TRAP1: variants seen among roughly 807,000 people sequenced by gnomAD.
TRAP1 encodes the protein heat shock protein 75 kDa, mitochondrial.
TRAP1 carries 102 observed loss-of-function variants against 89.1 expected under a neutral mutation model. That is an observed-to-expected ratio of 1.15 (90% confidence interval 0.98 to 1.35). The LOEUF is 1.35. Ranked by LOEUF, TRAP1 falls within the 40% of genes most tolerant of loss-of-function variation. The pLI is 0.00. For missense variants in TRAP1, 1,256 were observed against 945.3 expected (o/e 1.33, Z -4.31); for synonymous variants, 508 against 388.0 (o/e 1.31, Z -3.64).
chr16:3,710,879 A>ATATATATATATATATTT (rs71133652), intron 1 of TRAP1, among the ~76,000 whole-genome samples: 1 of 125,834 alleles, frequency 7.9e-6, no homozygotes, highest in East Asian at 2.4e-4. Context: ...ATATATATAT[A>ATATATATATATATATTT]TTTTTTTTTT....
Position 3,695,365 on chromosome 16 carries a change from A to G in TRAP1, c.89-4380T>C, listed in dbSNP as rs182364220. Among the ~76,000 whole-genome samples the G allele has an allele frequency of 1.4e-3, 213 of 152,110 alleles. 1 individual carries two copies. Among genetic ancestry groups the G allele is most frequent in the African/African-American group, 4.8e-3 (200 of 41,510 alleles). ...TCTTAGAACCATGGTCAGGTTTCTCATACTCAAAAAACAAACCATTACTTA... is the reference window on the plus strand; with the variant it reads ...TCTTAGAACCATGGTCAGGTTTCTCGTACTCAAAAAACAAACCATTACTTA... On this transcript the variant is annotated intron_variant, in intron 1 of 17. Transcript: ENST00000246957.
At chr16:3,689,433 A>G (rs1381485089) in intron 2 of TRAP1, among the ~76,000 whole-genome samples, 1 of 151,944 alleles carries the variant, frequency 6.6e-6, no homozygotes, top group Admixed American at 6.6e-5. Flanking sequence ...TTTAGTAGAG[A>G]CGGGGTTTTA....
chr16:3,663,195 G>C, intron 14 of TRAP1: 1 of 674,310 alleles, frequency 1.5e-6, no homozygotes, highest in Non-Finnish European at 2.5e-6. Flanking sequence ...CTCTCAAGAA[G>C]CTGGGCCAGC....
chr16:3,702,800 T>C (rs1300009678), intron 1 of TRAP1, among the ~76,000 whole-genome samples: 1 of 151,592 alleles, frequency 6.6e-6, no homozygotes, highest in African/African-American at 2.4e-5. Context: ...CCTGGCACTT[T>C]GGGAGGCTGT....
intron 9 of TRAP1, 126 bp from the exon 10 acceptor site, chr16:3,672,946 T>A: frequency 7.3e-7 from 1 of 1,379,274 alleles, no homozygotes; most frequent in Non-Finnish European, 9.6e-7. Flanking sequence ...CAGCGTCTGC[T>A]CTGAGTTGAA....
At chr16:3,673,096 C>G (rs1271619963) in intron 9 of TRAP1, among the ~76,000 whole-genome samples, 22 of 152,108 alleles carry the variant, frequency 1.4e-4, no homozygotes, top group Admixed American at 1.4e-3. Flanking sequence ...CCTGAACACA[C>G]TGAACACAGC....
At chr16:3,662,988 G>A (rs955187992) in intron 14 of TRAP1, 21 bp from the exon 15 acceptor site, 2 of 1,573,874 alleles carry the variant, frequency 1.3e-6, no homozygotes, top group Non-Finnish European at 1.7e-6. Context: ...GCAGGCGACA[G>A]GGAGCTCAGG....
chr16:3,705,016 C>T (rs1258294960), intron 1 of TRAP1, among the ~76,000 whole-genome samples: 1 of 152,132 alleles, frequency 6.6e-6, no homozygotes, highest in Non-Finnish European at 1.5e-5. Flanking sequence ...GTGCACAATT[C>T]AGTGGTTTTA....
At chr16:3,710,193 G>A (rs80194856) in intron 1 of TRAP1, among the ~76,000 whole-genome samples, 244 of 152,190 alleles carry the variant, frequency 1.6e-3, no homozygotes, top group African/African-American at 5.5e-3. Context: ...TCAAAATATG[G>A]GCCTGAAGCC....
rs773073701 is a variant in TRAP1, at chr16:3,686,123, T to G, written c.344A>C (p.Glu115Ala). ...LYSEKEVFIR[E>A]LISNASDALE... is the part of the protein sequence containing the mutation. ...GGCATCGCTGGCATTGGAGATCAGC[T>G]CCCGTATAAACACCTACAGGAATAG... The change falls in exon 4 of 18, where the codon GAG becomes GCG. Residue 115 changes from glutamate to alanine, a missense_variant. Glu to Ala is a moderately radical substitution (Grantham distance 107, BLOSUM62 -1). Transcript: ENST00000246957. 1 of 1,614,044 alleles carries G rather than the reference T, an allele frequency of 6.2e-7. No homozygotes were observed. The highest frequency in any genetic ancestry group is 1.7e-5 in the Admixed American group (1 of 60,008).
intron 1 of TRAP1, among the ~76,000 whole-genome samples, chr16:3,716,403 C>T (rs1000201768): frequency 1.3e-5 from 2 of 152,218 alleles, no homozygotes; most frequent in Non-Finnish European, 2.9e-5. Context: ...CTCACCCATT[C>T]TATGCAGCAT....
chr16:3,705,702 CAG>C (rs1021908945), intron 1 of TRAP1, among the ~76,000 whole-genome samples: 2 of 152,246 alleles, frequency 1.3e-5, no homozygotes, highest in South Asian at 2.1e-4. Flanking sequence ...TTTTGTGAGA[CAG>C]AGTTTCACTC....
intron 16 of TRAP1, 44 bp from the exon 17 acceptor site, chr16:3,658,909 G>A: frequency 6.3e-7 from 1 of 1,591,104 alleles, no homozygotes; most frequent in Non-Finnish European, 8.6e-7. Context: ...AGTACCACGT[G>A]CTGTGACCCT....
chr16:3,670,411 A>AAAAAAAAAAAAAAAC (rs2050897453), intron 11 of TRAP1, among the ~76,000 whole-genome samples: 2 of 144,328 alleles, frequency 1.4e-5, no homozygotes, highest in Non-Finnish European at 3.0e-5. Context: ...AAAAAAAAAA[A>AAAAAAAAAAAAAAAC]TCTAAGTGGC....
chr16:3,704,475 A>G (rs2051412325), intron 1 of TRAP1: 1 of 152,258 alleles, frequency 6.6e-6, no homozygotes, highest in South Asian at 2.1e-4. Flanking sequence ...GTGTACATAA[A>G]TAGCCAAAGA....
intron 13 of TRAP1, 157 bp downstream of exon 13, chr16:3,664,117 G>T: frequency 1.3e-6 from 1 of 742,558 alleles, no homozygotes; most frequent in South Asian, 2.5e-5. Context: ...GTGGGAAACA[G>T]CCGTCACAGT....
intron 1 of TRAP1, among the ~76,000 whole-genome samples, chr16:3,697,610 G>A (rs1054722866): frequency 4.7e-5 from 7 of 148,694 alleles, no homozygotes; most frequent in Admixed American, 1.4e-4. Context: ...TTTGCAGCGA[G>A]CTGAGATGGC....
chr16:3,675,994 A>G lies in TRAP1; in HGVS notation c.814+42T>C, dbSNP rs143750673. On this transcript the variant is annotated intron_variant, in intron 7 of 17. Coordinates refer to ENST00000246957, the MANE Select transcript of TRAP1 (RefSeq NM_016292.3). ...GCTGACCTGGTGGCCTCCAGGCCAC[A>G]CATGGATCCCAGAGTGAGCCTGGGC... 571 of 1,553,750 alleles carry G rather than the reference A, an allele frequency of 3.7e-4. 5 individuals are homozygous for G. In the East Asian group the frequency reaches 9.6e-3, roughly 26 times the overall value.
At chr16:3,663,306 G>T in intron 14 of TRAP1, 118 bp downstream of exon 14, 1 of 1,372,844 alleles carries the variant, frequency 7.3e-7, no homozygotes, top group East Asian at 2.3e-5. Flanking sequence ...GGCTCTTCTC[G>T]GGGGTGGCTG....
Sources: allele counts gnomAD v4.1 joint callset (sites outside exome capture counted in the v4.1 genomes callset), GRCh38; gene constraint gnomAD v4.1.1; transcripts MANE v1.5; gene names NCBI Gene and HGNC (gene_info 2026-07-23, HGNC 2026-07-21).